The following FSTL5 variants were observed in gnomAD, a reference collection of about 807,000 sequenced individuals.
The protein encoded by FSTL5 is follistatin-related protein 5.
FSTL5 carries 62 observed loss-of-function variants against 89.1 expected under a neutral mutation model. The ratio of observed to expected loss-of-function variants is 0.70; its 90% CI spans 0.57 to 0.86. FSTL5 has a LOEUF of 0.86. FSTL5 is among the 40% of genes least tolerant of loss of function. The pLI is 0.00. For synonymous variants in FSTL5, 383 were observed against 346.2 expected, an observed-to-expected ratio of 1.11 and a Z score of -1.18; for missense variants, 1,057 against 1,001.6, an observed-to-expected ratio of 1.06 and a Z score of -0.75.
At chr4:161,996,010 G>A (rs1736284708) in intron 3 of FSTL5, among the ~76,000 whole-genome samples, 2 of 152,000 alleles carry the variant, frequency 1.3e-5, no homozygotes, top group African/African-American at 2.4e-5. Context: ...AAAGAACACT[G>A]GAGTTAATGC....
intron 4 of FSTL5, among the ~76,000 whole-genome samples, chr4:161,903,314 A>G (rs1441464894): frequency 6.6e-6 from 1 of 152,138 alleles, no homozygotes; most frequent in Non-Finnish European, 1.5e-5. Context: ...TCTGGCACCA[A>G]GAAATACTTT....
At chr4:161,424,815 T>C (rs898855945) in intron 15 of FSTL5, among the ~76,000 whole-genome samples, 1 of 152,232 alleles carries the variant, frequency 6.6e-6, no homozygotes, top group Non-Finnish European at 1.5e-5. Context: ...TAAAACTTTA[T>C]GGAAGTAGAT....
intron 8 of FSTL5, among the ~76,000 whole-genome samples, chr4:161,566,025 C>T (rs1253918577): frequency 2.0e-5 from 3 of 148,150 alleles, no homozygotes; most frequent in African/African-American, 7.5e-5. Flanking sequence ...ATGTACATTC[C>T]TACCAACAGT....
At chr4:161,834,863 A>T (rs1730980094) in intron 4 of FSTL5, among the ~76,000 whole-genome samples, 2 of 151,936 alleles carry the variant, frequency 1.3e-5, no homozygotes, top group African/African-American at 4.8e-5. Context: ...ATATCATGAA[A>T]ATGGCCATAC....
chr4:161,766,121 T>C (rs1040928383), intron 5 of FSTL5, among the ~76,000 whole-genome samples: 1 of 152,134 alleles, frequency 6.6e-6, no homozygotes, highest in Non-Finnish European at 1.5e-5. Flanking sequence ...TGTAAATCAG[T>C]TTATTAAGAT....
chr4:161,989,478 A>G (rs1013638594), intron 3 of FSTL5, among the ~76,000 whole-genome samples: 3 of 152,202 alleles, frequency 2.0e-5, no homozygotes, highest in Admixed American at 1.3e-4. Flanking sequence ...ACCATGCTTC[A>G]AATACTAGAC....
intron 10 of FSTL5, among the ~76,000 whole-genome samples, chr4:161,524,142 T>A (rs1731125907): frequency 6.6e-6 from 1 of 152,154 alleles, no homozygotes; most frequent in African/African-American, 2.4e-5. Context: ...AAAAGCTTCA[T>A]CTACATAGTA....
intron 12 of FSTL5, among the ~76,000 whole-genome samples, chr4:161,485,087 C>A (rs996786713): frequency 2.6e-5 from 4 of 152,212 alleles, no homozygotes; most frequent in Middle Eastern, 3.4e-3. Context: ...TACAACTATT[C>A]ATTTAAATAT....
At chr4:162,073,239 CATGTGT>C (rs1729699420) in intron 2 of FSTL5, among the ~76,000 whole-genome samples, 1 of 151,364 alleles carries the variant, frequency 6.6e-6, no homozygotes, top group African/African-American at 2.4e-5. Flanking sequence ...TTAATACTAT[CATGTGT>C]ATGTGTGTGT....
chr4:161,916,534 T>C (rs1733844214), intron 4 of FSTL5, among the ~76,000 whole-genome samples: 1 of 152,198 alleles, frequency 6.6e-6, no homozygotes, highest in Non-Finnish European at 1.5e-5. Flanking sequence ...GAATGTTTTA[T>C]GTTACGTTGA....
At chr4:161,651,771 A>G (rs749906781) in intron 7 of FSTL5, among the ~76,000 whole-genome samples, 1 of 152,336 alleles carries the variant, frequency 6.6e-6, no homozygotes, top group African/African-American at 2.4e-5. Context: ...ACTGAAGATT[A>G]ATTGGAATCC....
In FSTL5 at chr4:161,391,919, A is replaced by G. The variant is rs1730835509; in HGVS notation, c.1842-5470T>C. 3.3e-5 allele frequency among the ~76,000 whole-genome samples: 5 copies of G among 152,220 alleles called. No homozygotes were observed. In the South Asian group the frequency reaches 1.0e-3, roughly 32 times the overall value. On this transcript the variant is annotated intron_variant, in intron 15 of 15. Coordinates refer to ENST00000306100, the MANE Select transcript of FSTL5 (RefSeq NM_020116.5). ...GCTATTCTCCCACCTGAATAAGTAC[A>G]TCATAGAAATTCTACATTAAACGTT...
chr4:161,595,143 T>C (rs941040401), intron 7 of FSTL5, among the ~76,000 whole-genome samples: 5 of 152,080 alleles, frequency 3.3e-5, no homozygotes, highest in African/African-American at 9.7e-5. Flanking sequence ...TTTTGTTATA[T>C]GTATAAAGAC....
rs1733301169 is a variant in FSTL5 at position 161,455,010 on chromosome 4, T to C, written c.1835A>G (p.His612Arg). 3 of 1,613,324 alleles carry C rather than the reference T, an allele frequency of 1.9e-6. No individual in the cohort carries two copies. Among genetic ancestry groups the C allele is most frequent in the Non-Finnish European group, 2.5e-6 (3 of 1,179,534 alleles). The change falls in exon 15 of 16, where the codon CAT becomes CGT. Residue 612 changes from histidine (H) to arginine (R), a missense_variant. Transcript: ENST00000306100. ...FIPTTTLIIT[H>R]MRFGFILHKD... is the part of the protein sequence containing the mutation. ...CACTCAACTTAGCACTTACCTCATA[T>C]GGGTGATAATGAGTGTTGTGGTGGG...
At chr4:162,121,827 CTCT>C (rs1279067001) in intron 1 of FSTL5, among the ~76,000 whole-genome samples, 2 of 152,076 alleles carry the variant, frequency 1.3e-5, no homozygotes, top group Non-Finnish European at 2.9e-5. Flanking sequence ...AAACCAACCT[CTCT>C]TCTTCTTCCT....
At chr4:162,154,737 A>G (rs1366499247) in intron 1 of FSTL5, among the ~76,000 whole-genome samples, 4 of 152,210 alleles carry the variant, frequency 2.6e-5, no homozygotes, top group African/African-American at 9.6e-5. Flanking sequence ...TAACAAATGC[A>G]AGCATAAAAA....
chr4:161,647,914 C>T (rs566919542), intron 7 of FSTL5, among the ~76,000 whole-genome samples: 60 of 152,176 alleles, frequency 3.9e-4, no homozygotes, highest in African/African-American at 1.4e-3. Flanking sequence ...GGCAGCTGGA[C>T]GTCGAGAGGA....
At chr4:161,526,056 T>G (rs897776880) in intron 10 of FSTL5, among the ~76,000 whole-genome samples, 1 of 152,176 alleles carries the variant, frequency 6.6e-6, no homozygotes, top group Non-Finnish European at 1.5e-5. Context: ...TTATTTGCGC[T>G]GACAATAACT....
chr4:161,784,022 A>C (rs1411249060), intron 4 of FSTL5, among the ~76,000 whole-genome samples: 1 of 150,986 alleles, frequency 6.6e-6, no homozygotes, highest in Non-Finnish European at 1.5e-5. Flanking sequence ...TGCAGCCTCC[A>C]TCTCCCAGAT....
Sources: allele counts gnomAD v4.1 joint callset (sites outside exome capture counted in the v4.1 genomes callset), GRCh38; gene constraint gnomAD v4.1.1; transcripts MANE v1.5; gene names NCBI Gene and HGNC (gene_info 2026-07-23, HGNC 2026-07-21).